CNTNAP4: variants seen among roughly 807,000 people sequenced by gnomAD.
CNTNAP4 encodes contactin associated protein family member 4, also known as contactin-associated protein-like 4.
Under a neutral mutation model 148.4 loss-of-function variants are expected in CNTNAP4, and 98 were observed. The observed-to-expected ratio is 0.66, with a 90% CI of 0.56 to 0.78. The LOEUF (loss-of-function observed/expected upper bound fraction) is 0.78. Ranked by LOEUF, CNTNAP4 falls within the 30% of genes least tolerant of loss-of-function variation. The pLI, the probability that CNTNAP4 is intolerant of heterozygous loss-of-function variation, is 0.00. For synonymous variants in CNTNAP4, 730 were observed against 565.1 expected, an observed-to-expected ratio of 1.29 and a Z score of -4.14; for missense variants, 1,935 against 1,565.6, an observed-to-expected ratio of 1.24 and a Z score of -3.98.
rs563948421 is a variant in CNTNAP4, at chr16:76,489,742, A to G, written c.1939A>G (p.Thr647Ala). 2 of 1,605,200 alleles carry G rather than the reference A, an allele frequency of 1.2e-6. No homozygotes were observed. Among genetic ancestry groups the G allele is most frequent in the South Asian group, 2.2e-5 (2 of 89,046 alleles). ...NGSDLTRVRN[T>A]NPENPYAGFF... ...CTCTGACTTAACAAGAGTCAGAAAT[A>G]CTAATCCAGAGAACCCATATGCTGG... is the stretch of plus-strand genomic sequence containing the variant. Residue 647 changes from threonine to alanine, a missense_variant, in exon 13 of 24, where the codon ACT (threonine) becomes GCT (alanine). Coordinates refer to ENST00000611870, the MANE Select transcript of CNTNAP4 (RefSeq NM_033401.5).
At chr16:76,389,813 G>A (rs1374024069) in intron 3 of CNTNAP4, among the ~76,000 whole-genome samples, 3 of 152,028 alleles carry the variant, frequency 2.0e-5, no homozygotes, top group Non-Finnish European at 2.9e-5. Flanking sequence ...GGCCTATTCT[G>A]TCCTCAGATA....
At chr16:76,537,350 C>A (rs1358732249) in intron 18 of CNTNAP4, among the ~76,000 whole-genome samples, 1 of 152,062 alleles carries the variant, frequency 6.6e-6, no homozygotes, top group East Asian at 1.9e-4. Flanking sequence ...ATTCAATAAC[C>A]AGTCCTTTTT....
intron 2 of CNTNAP4, among the ~76,000 whole-genome samples, chr16:76,347,815 AAGAG>A (rs1965035416): frequency 6.6e-6 from 1 of 152,216 alleles, no homozygotes; most frequent in East Asian, 1.9e-4. Flanking sequence ...GAAGAAGAAA[AAGAG>A]AGAAGGTAGA....
At chr16:76,413,092 A>G (rs990599575) in intron 3 of CNTNAP4, among the ~76,000 whole-genome samples, 1 of 151,416 alleles carries the variant, frequency 6.6e-6, no homozygotes, top group Non-Finnish European at 1.5e-5. Context: ...TCAAGTGTTT[A>G]TCCTTTGAGT....
Position 76,521,261 on chromosome 16 carries a change from A to G in CNTNAP4, c.2487A>G (p.Val829=). 6.2e-7 allele frequency: 1 copy of G among 1,612,702 alleles called. No homozygotes were observed. The highest frequency in any genetic ancestry group is 8.5e-7 in the Non-Finnish European group (1 of 1,179,392). ...TTAAGACAACAGCTTCATCTGGGGT[A>G]TTTTTAGAGAACTTGGGGATTGCTG... ...FFFKTTASSG[V]FLENLGIADF... is the part of the protein sequence containing the mutation. The change falls in exon 16 of 24, where the codon GTA becomes GTG. Residue 829 remains valine (V), a synonymous_variant. Coordinates refer to ENST00000611870, the MANE Select transcript of CNTNAP4 (RefSeq NM_033401.5).
At position 76,453,834 on chromosome 16, in the gene CNTNAP4, A is replaced by C. The variant is rs193262858; in HGVS notation, c.1333+1065A>C. Among the ~76,000 whole-genome samples the C allele has an allele frequency of 1.1e-4, 17 of 152,334 alleles. No homozygotes were observed. In the East Asian group the frequency reaches 2.9e-3, roughly 26 times the overall value. Reference sequence around the variant, plus strand: ...ATTCGATATTAGTTATAATTTTTAAAGAGATACTATGCTGTGACTTTTTAT... The same window carrying C: ...ATTCGATATTAGTTATAATTTTTAACGAGATACTATGCTGTGACTTTTTAT... On this transcript the variant is annotated intron_variant, in intron 8 of 23. Coordinates refer to ENST00000611870, the MANE Select transcript of CNTNAP4 (RefSeq NM_033401.5).
At chr16:76,459,040 A>T (rs571349736) in intron 8 of CNTNAP4, among the ~76,000 whole-genome samples, 2 of 152,288 alleles carry the variant, frequency 1.3e-5, no homozygotes, top group South Asian at 2.1e-4. Context: ...TAAAATGTTC[A>T]TCCCCACAGA....
At chr16:76,452,405 T>C (rs1457142656) in intron 7 of CNTNAP4, 103 bp from the exon 8 acceptor site, 1 of 1,197,752 alleles carries the variant, frequency 8.3e-7, no homozygotes, top group Non-Finnish European at 1.2e-6. Flanking sequence ...AGGCAGTTGT[T>C]TTAAATCGCG....
chr16:76,479,792 G>A (rs1325957836), intron 12 of CNTNAP4, among the ~76,000 whole-genome samples: 1 of 151,940 alleles, frequency 6.6e-6, no homozygotes, highest in East Asian at 1.9e-4. Flanking sequence ...CAAACAAAAA[G>A]GATAGACTAT....
intron 21 of CNTNAP4, among the ~76,000 whole-genome samples, chr16:76,546,536 A>G (rs2084742121): frequency 6.6e-6 from 1 of 152,186 alleles, no homozygotes; most frequent in Admixed American, 6.5e-5. Context: ...TCACCCCCAG[A>G]TGGGACCGTC....
chr16:76,383,172 C>T (rs1462765429), intron 3 of CNTNAP4, among the ~76,000 whole-genome samples: 1 of 150,610 alleles, frequency 6.6e-6, no homozygotes, highest in African/African-American at 2.4e-5. Flanking sequence ...ATGAAAGAAA[C>T]TTTCCCATTT....
At chr16:76,332,615 T>G (rs1963637224) in intron 2 of CNTNAP4, among the ~76,000 whole-genome samples, 1 of 152,174 alleles carries the variant, frequency 6.6e-6, no homozygotes, top group Non-Finnish European at 1.5e-5. Context: ...TATTTAAATA[T>G]TCTTTCAGCC....
In CNTNAP4 at chr16:76,479,402, G is replaced by T; in HGVS notation, c.1763-17G>T. ...CATTTCATGCTATTCCATTAATGAT[G>T]ATTTTTTTTCTTAAAGCTATCTATG... On this transcript the variant is annotated splice_polypyrimidine_tract_variant and intron_variant, in intron 11 of 23. Coordinates refer to ENST00000611870, the MANE Select transcript of CNTNAP4 (RefSeq NM_033401.5). The T allele has an allele frequency of 1.9e-6, 3 of 1,562,208 alleles. No homozygotes were observed. The highest frequency in any genetic ancestry group is 2.6e-6 in the Non-Finnish European group (3 of 1,155,288).
intron 21 of CNTNAP4, among the ~76,000 whole-genome samples, chr16:76,552,283 G>T (rs1348414524): frequency 2.0e-5 from 3 of 152,138 alleles, no homozygotes; most frequent in Non-Finnish European, 2.9e-5. Flanking sequence ...GACACGTGGG[G>T]ATTATGGGGA....
At chr16:76,445,640 C>A (rs1457860028) in intron 4 of CNTNAP4, among the ~76,000 whole-genome samples, 1 of 151,856 alleles carries the variant, frequency 6.6e-6, no homozygotes, top group African/African-American at 2.4e-5. Flanking sequence ...GCTTTAGGTG[C>A]CACAGAAGAT....
At chr16:76,528,779 A>G (rs912919500) in intron 17 of CNTNAP4, among the ~76,000 whole-genome samples, 1 of 152,224 alleles carries the variant, frequency 6.6e-6, no homozygotes, top group Non-Finnish European at 1.5e-5. Flanking sequence ...CTTTTAAAAA[A>G]TGTGATCCAG....
intron 21 of CNTNAP4, among the ~76,000 whole-genome samples, chr16:76,551,818 G>A (rs1211440133): frequency 6.6e-6 from 1 of 152,028 alleles, no homozygotes; most frequent in Non-Finnish European, 1.5e-5. Flanking sequence ...TTAACTTCCT[G>A]GGAACGTAGA....
chr16:76,501,369 C>T (rs893572975), intron 15 of CNTNAP4, among the ~76,000 whole-genome samples: 12 of 152,156 alleles, frequency 7.9e-5, no homozygotes, highest in Non-Finnish European at 1.8e-4. Flanking sequence ...CTTCCTCTGC[C>T]TTCCTTATTT....
intron 8 of CNTNAP4, among the ~76,000 whole-genome samples, chr16:76,454,105 T>G (rs1397150789): frequency 3.6e-5 from 5 of 138,946 alleles, no homozygotes; most frequent in Non-Finnish European, 6.3e-5. Context: ...GTCAGCCTAT[T>G]TCTTTCTTTT....
Sources: gnomAD v4.1 joint callset for allele counts (sites outside exome capture counted in the v4.1 genomes callset) on GRCh38, gnomAD v4.1.1 for gene constraint, MANE v1.5 for transcripts, NCBI Gene and HGNC (gene_info 2026-07-23, HGNC 2026-07-21) for gene names.